NSMAF: variants seen among roughly 807,000 people sequenced by gnomAD.
The protein encoded by NSMAF is neutral sphingomyelinase activation associated factor.
NSMAF carries 90 observed loss-of-function variants against 134.9 expected under a neutral mutation model. The observed-to-expected ratio is 0.67, with a 90% CI of 0.56 to 0.79. NSMAF has a LOEUF of 0.79. Ranked by LOEUF, NSMAF falls within the 30% of genes least tolerant of loss-of-function variation. The pLI, the probability that NSMAF is intolerant of heterozygous loss-of-function variation, is 0.00. For missense variants in NSMAF, 1,010 were observed against 1,119.0 expected, an observed-to-expected ratio of 0.90 and a Z score of 1.39; for synonymous variants, 358 against 389.6, an observed-to-expected ratio of 0.92 and a Z score of 0.96.
chr8:58,621,882 T>G (rs752015950), intron 9 of NSMAF, among the ~76,000 whole-genome samples: 2 of 152,232 alleles, frequency 1.3e-5, no homozygotes, highest in African/African-American at 2.4e-5. Flanking sequence ...CTTTGGCAGA[T>G]GCAAAGTTTG....
Position 58,599,255 on chromosome 8 carries a change from C to A in NSMAF, c.1562G>T (p.Ser521Ile). The A allele has an allele frequency of 6.2e-7, 1 of 1,613,836 alleles. No homozygotes were observed. The highest frequency in any genetic ancestry group is 8.5e-7 in the Non-Finnish European group (1 of 1,179,806). Reference sequence around the variant, plus strand: ...ACCATTATGGGCCCCAACTGCATCACTCCCTTTTTGTTTGTAGCCAAATAT... The same window carrying A: ...ACCATTATGGGCCCCAACTGCATCAATCCCTTTTTGTTTGTAGCCAAATAT... ...DLIFGYKQKGSDAVGAHNVFH... is the reference protein window; with the variant it reads ...DLIFGYKQKGIDAVGAHNVFH... The change falls in exon 19 of 31, where the codon AGT (serine) becomes ATT (isoleucine). Residue 521 changes from serine to isoleucine, a missense_variant. Ser to Ile is a moderately radical substitution (Grantham distance 142). Transcript: ENST00000038176.
chr8:58,622,149 G>C (rs1283241889), intron 9 of NSMAF, among the ~76,000 whole-genome samples: 2 of 152,034 alleles, frequency 1.3e-5, no homozygotes, highest in African/African-American at 4.8e-5. Context: ...TTTTGTATAT[G>C]GTGTAAGGAA....
rs151004766 is a variant in NSMAF, at chr8:58,623,866, G to A, written c.385-86C>T. 3.4e-4 allele frequency: 354 copies of A among 1,051,696 alleles called. No individual in the cohort carries two copies. In the African/African-American group the frequency reaches 5.2e-3, roughly 15 times the overall value. The allele number at this position is 1,051,696 out of a possible 1,614,324, so 65.1% of individuals were successfully genotyped here. A position where few individuals can be genotyped will look rare whatever the true frequency, so the allele number is the denominator to read the frequency against. ...CTTTAAGAACATGTGTACAGAACCT[G>A]CTATGATAAAATCTGCATGTTTTAC... On this transcript the variant is annotated intron_variant, in intron 6 of 30. Coordinates refer to ENST00000038176, the MANE Select transcript of NSMAF (RefSeq NM_003580.4).
intron 11 of NSMAF, among the ~76,000 whole-genome samples, chr8:58,606,441 G>T (rs910189939): frequency 6.6e-6 from 1 of 152,046 alleles, no homozygotes; most frequent in Admixed American, 6.5e-5. Context: ...TTTGAGACCA[G>T]GTCCTGCTCT....
chr8:58,598,860 A>C (rs1440726994), intron 19 of NSMAF, among the ~76,000 whole-genome samples: 1 of 151,660 alleles, frequency 6.6e-6, no homozygotes, highest in Non-Finnish European at 1.5e-5. Context: ...GTCACGACCA[A>C]AAAAAATACA....
chr8:58,591,481 CTTTTTTTTTTT>C (rs1018380152), intron 23 of NSMAF, among the ~76,000 whole-genome samples: 8 of 94,488 alleles, frequency 8.5e-5, no homozygotes, highest in East Asian at 3.6e-4. Context: ...AGAAACCTTC[CTTTTTTTTTTT>C]TTTTTTTTTT....
chr8:58,656,815 GCGAGACT>G (rs1306593429), intron 1 of NSMAF, among the ~76,000 whole-genome samples: 1 of 152,016 alleles, frequency 6.6e-6, no homozygotes, highest in Non-Finnish European at 1.5e-5. Context: ...GGGCAACAGA[GCGAGACT>G]CTGTCTCAAA....
intron 10 of NSMAF, 122 bp from the exon 11 acceptor site, chr8:58,607,962 A>C: frequency 2.5e-6 from 2 of 803,224 alleles, no homozygotes; most frequent in South Asian, 3.0e-5. Context: ...ACCATTGGAA[A>C]AGGAAATCTT....
chr8:58,617,663 A>T (rs1185111199), intron 9 of NSMAF, among the ~76,000 whole-genome samples: 1 of 152,188 alleles, frequency 6.6e-6, no homozygotes, highest in African/African-American at 2.4e-5. Flanking sequence ...AGGAAACAAC[A>T]GATACTGGAG....
At chr8:58,589,209 T>C (rs1159826046) in intron 26 of NSMAF, among the ~76,000 whole-genome samples, 1 of 147,846 alleles carries the variant, frequency 6.8e-6, no homozygotes, top group East Asian at 1.9e-4. Flanking sequence ...ATATTATATT[T>C]TAAATATAAA....
intron 10 of NSMAF, among the ~76,000 whole-genome samples, chr8:58,609,118 C>G (rs1480349182): frequency 4.6e-5 from 7 of 152,218 alleles, no homozygotes; most frequent in African/African-American, 1.7e-4. Context: ...CACACCTCTG[C>G]ACTAGCTGGG....
chr8:58,641,439 G>T (rs1189845277), intron 2 of NSMAF, among the ~76,000 whole-genome samples: 1 of 151,914 alleles, frequency 6.6e-6, no homozygotes, highest in South Asian at 2.1e-4. Context: ...GTCTCCACTA[G>T]CTTTTAGTTT....
Position 58,592,746 on chromosome 8 carries a change from G to C in NSMAF, c.1951+1486C>G, listed in dbSNP as rs149662501. The stretch of plus-strand genomic sequence containing the variant: ...CTACAAATATACAAAAATTAGCCAG[G>C]CACGATGGTGGGTGCCTGTGAACCC... On this transcript the variant is annotated intron_variant, in intron 23 of 30. Coordinates refer to ENST00000038176, the MANE Select transcript of NSMAF (RefSeq NM_003580.4). Among the ~76,000 whole-genome samples the C allele has an allele frequency of 1.6e-3, 243 of 152,174 alleles. 2 individuals carry two copies. Among genetic ancestry groups the C allele is most frequent in the African/African-American group, 5.5e-3 (229 of 41,532 alleles).
intron 11 of NSMAF, among the ~76,000 whole-genome samples, chr8:58,606,486 G>A (rs1040550572): frequency 2.0e-4 from 30 of 152,076 alleles, no homozygotes; most frequent in African/African-American, 6.8e-4. Context: ...TGTGATCACC[G>A]CTCACTGCAG....
chr8:58,640,382 T>C (rs1807306207), intron 2 of NSMAF, among the ~76,000 whole-genome samples: 1 of 152,212 alleles, frequency 6.6e-6, no homozygotes. Flanking sequence ...AAAAAGGCTT[T>C]ATTTCTTTAA....
chr8:58,601,212 C>T, intron 16 of NSMAF, 73 bp downstream of exon 16: 1 of 1,266,642 alleles, frequency 7.9e-7, no homozygotes, highest in Non-Finnish European at 1.1e-6. Context: ...ATATCCAGTG[C>T]TTTGAAACAA....
chr8:58,602,814 G>A (rs1178399429), intron 13 of NSMAF, among the ~76,000 whole-genome samples: 1 of 152,010 alleles, frequency 6.6e-6, no homozygotes, highest in African/African-American at 2.4e-5. Flanking sequence ...GATTATTTCA[G>A]GACTTTCCAA....
Position 58,659,562 on chromosome 8 carries a change from T to A in NSMAF, c.59+11A>T. 6.5e-7 allele frequency: 1 copy of A among 1,527,016 alleles called. No homozygotes were observed. The highest frequency in any genetic ancestry group is 8.8e-7 in the Non-Finnish European group (1 of 1,138,080). 94.6% of individuals were successfully genotyped at this position (1,527,016 alleles called of 1,614,324 possible). ...GCCCCCGGCTGGGCCCTTCTTCAGCTGGGCGCGCACCTCTCCTTGGAGTAG... is the reference window on the plus strand; with the variant it reads ...GCCCCCGGCTGGGCCCTTCTTCAGCAGGGCGCGCACCTCTCCTTGGAGTAG... On this transcript the variant is annotated intron_variant, in intron 1 of 30. Transcript: ENST00000038176.
At chr8:58,585,085 C>A (rs981089984) in intron 30 of NSMAF, among the ~76,000 whole-genome samples, 1 of 152,164 alleles carries the variant, frequency 6.6e-6, no homozygotes, top group African/African-American at 2.4e-5. Flanking sequence ...GATCAGAAAG[C>A]AAGCAAGAAT....
Sources: gnomAD v4.1 joint callset for allele counts (sites outside exome capture counted in the v4.1 genomes callset) on GRCh38, gnomAD v4.1.1 for gene constraint, MANE v1.5 for transcripts, NCBI Gene and HGNC (gene_info 2026-07-23, HGNC 2026-07-21) for gene names.